The following PLXNA2 variants were observed in gnomAD, a reference collection of about 807,000 sequenced individuals.
The protein encoded by PLXNA2 is plexin-A2.
In PLXNA2, 91 loss-of-function variants were observed where a neutral mutation model predicts 193.5. That is an observed-to-expected ratio of 0.47 (90% CI 0.40 to 0.56). The LOEUF is 0.56. Among genes scored for constraint, PLXNA2 ranks in the 20% least tolerant of loss-of-function variants. The probability of loss-of-function intolerance (pLI) is 0.00; values close to 1 mark genes in which losing one functional copy is unlikely to be tolerated. For missense variants in PLXNA2, 1,995 were observed against 2,503.2 expected, an observed-to-expected ratio of 0.80 and a Z score of 4.33; for synonymous variants, 997 against 1,027.3, an observed-to-expected ratio of 0.97 and a Z score of 0.56.
chr1:208,105,975 C>A (rs1478948792), intron 4 of PLXNA2, among the ~76,000 whole-genome samples: 1 of 152,182 alleles, frequency 6.6e-6, no homozygotes, highest in African/African-American at 2.4e-5. Flanking sequence ...CCCACTTTCA[C>A]GCCAAGTGCC....
At chr1:208,096,918 T>C (rs751553891) in intron 6 of PLXNA2, 35 bp from the exon 7 acceptor site, 1 of 1,595,076 alleles carries the variant, frequency 6.3e-7, no homozygotes, top group South Asian at 1.1e-5. Flanking sequence ...GCCAAAGAAA[T>C]GCCTCAGGAG....
chr1:208,230,336 C>T (rs1671650027), intron 1 of PLXNA2: 2 of 152,252 alleles, frequency 1.3e-5, no homozygotes, highest in African/African-American at 4.8e-5. Context: ...ACCTTCTCCC[C>T]GTGCTGACCT....
intron 4 of PLXNA2, among the ~76,000 whole-genome samples, chr1:208,104,761 A>G (rs1179142690): frequency 6.6e-6 from 1 of 152,148 alleles, no homozygotes; most frequent in East Asian, 1.9e-4. Context: ...TGCATATATG[A>G]GGCTTTTCTG....
chr1:208,211,554 G>A (rs1056112592), intron 2 of PLXNA2, among the ~76,000 whole-genome samples: 17 of 152,134 alleles, frequency 1.1e-4, no homozygotes, highest in African/African-American at 2.9e-4. Context: ...TTAGCCAGGC[G>A]TGGTGGTGTG....
At chr1:208,235,811 A>G (rs1205848469) in intron 1 of PLXNA2, among the ~76,000 whole-genome samples, 1 of 152,106 alleles carries the variant, frequency 6.6e-6, no homozygotes, top group East Asian at 1.9e-4. Context: ...CTTTCTCTCT[A>G]AGTCTGTGGG....
intron 17 of PLXNA2, 125 bp downstream of exon 17, chr1:208,050,884 T>C (rs996838971): frequency 1.4e-6 from 1 of 697,402 alleles, no homozygotes. Context: ...AGGCTCAGAG[T>C]CTTAAGCCAG....
At chr1:208,124,891 G>A (rs895413659) in intron 4 of PLXNA2, among the ~76,000 whole-genome samples, 1 of 152,108 alleles carries the variant, frequency 6.6e-6, no homozygotes, top group Non-Finnish European at 1.5e-5. Flanking sequence ...GGCCAGGCAC[G>A]GCAGTAATGG....
intron 1 of PLXNA2, among the ~76,000 whole-genome samples, chr1:208,230,843 C>T (rs1429949595): frequency 6.6e-6 from 1 of 152,200 alleles, no homozygotes; most frequent in African/African-American, 2.4e-5. Flanking sequence ...TGTCAGACAG[C>T]CTCTCCTAAG....
At chr1:208,200,130 T>C (rs183382316) in intron 3 of PLXNA2, among the ~76,000 whole-genome samples, 14 of 152,268 alleles carry the variant, frequency 9.2e-5, no homozygotes, top group Non-Finnish European at 2.9e-5. Flanking sequence ...ATAGAAACCA[T>C]AACACAGGGT....
chr1:208,087,300 AAC>A (rs546129552), intron 9 of PLXNA2, among the ~76,000 whole-genome samples: 1 of 151,814 alleles, frequency 6.6e-6, no homozygotes, highest in African/African-American at 2.4e-5. Context: ...ATCTATATGT[AAC>A]ACACACACAC....
chr1:208,027,838 A>C (rs1664386087), intron 31 of PLXNA2, among the ~76,000 whole-genome samples, 171 bp downstream of exon 31: 3 of 152,264 alleles, frequency 2.0e-5, no homozygotes, highest in Admixed American at 6.5e-5. Context: ...AAGTGTATAA[A>C]GCCTTCAGTG....
At chr1:208,043,652 G>A (rs1264631933) in intron 20 of PLXNA2, among the ~76,000 whole-genome samples, 1 of 152,154 alleles carries the variant, frequency 6.6e-6, no homozygotes, top group East Asian at 1.9e-4. Context: ...GCTCAGCTGA[G>A]AGCCGAGTTT....
Position 208,031,687 on chromosome 1 carries a change from G to A in PLXNA2, c.5128C>T (p.Pro1710Ser), listed in dbSNP as rs551923961. 2.5e-6 allele frequency: 4 copies of A among 1,613,778 alleles called. No homozygotes were observed. In the South Asian group the frequency reaches 4.4e-5, roughly 18 times the overall value. Residue 1710 changes from proline (P) to serine (S), a missense_variant, in exon 29 of 32, where the codon CCC becomes TCC. This residue lies in a region of PLXNA2 where 1,291 missense variants were observed against 1,673.6 expected (regional missense o/e 0.77). Transcript: ENST00000367033. The part of the protein sequence containing the change: ...FSTVHRGSAL[P>S]LAIKYMFDFL... ...TCAAACATGTACTTGATGGCCAGGG[G>A]GAGAGCGCTGCCCCGGTGCACAGTG...
rs761029466 is a variant in PLXNA2 at position 208,060,798 on chromosome 1, C to A, written c.2626G>T (p.Val876Leu). ...VSGPPEGGTR[V>L]TIHGVNLGLD... The stretch of plus-strand genomic sequence containing the variant: ...CCCAGGTTCACGCCATGGATGGTCA[C>A]TCGCGTCCCTCCTTCCGGCGGTCCA... The change falls in exon 13 of 32, where the codon GTG becomes TTG. Residue 876 changes from valine (V) to leucine (L), a missense_variant. Transcript: ENST00000367033. 1 of 1,614,144 alleles carries A rather than the reference C, an allele frequency of 6.2e-7. No individual in the cohort carries two copies. The highest frequency in any genetic ancestry group is 8.5e-7 in the Non-Finnish European group (1 of 1,180,014).
At chr1:208,154,459 G>C (rs1207575675) in intron 3 of PLXNA2, among the ~76,000 whole-genome samples, 1 of 152,198 alleles carries the variant, frequency 6.6e-6, no homozygotes, top group Non-Finnish European at 1.5e-5. Context: ...TTCATGTGCT[G>C]TTGGGCCTGG....
At chr1:208,034,733 C>T (rs1488040413) in intron 26 of PLXNA2, 141 bp from the exon 27 acceptor site, 3 of 592,636 alleles carry the variant, frequency 5.1e-6, no homozygotes, top group East Asian at 5.8e-5. Context: ...ACAACCATTA[C>T]TGCTGTTTTT....
intron 10 of PLXNA2, among the ~76,000 whole-genome samples, chr1:208,083,577 C>A (rs1206787440): frequency 1.3e-5 from 2 of 152,150 alleles, no homozygotes; most frequent in East Asian, 1.9e-4. Context: ...CTGACAGCTC[C>A]CTGATAAGAG....
chr1:208,128,561 C>T (rs1414365237), intron 4 of PLXNA2, among the ~76,000 whole-genome samples: 1 of 152,190 alleles, frequency 6.6e-6, no homozygotes, highest in African/African-American at 2.4e-5. Flanking sequence ...GATTTGAATA[C>T]AATTCTAATT....
chr1:208,100,931 G>A (rs1301281007), intron 5 of PLXNA2, among the ~76,000 whole-genome samples: 1 of 152,148 alleles, frequency 6.6e-6, no homozygotes, highest in Non-Finnish European at 1.5e-5. Context: ...AATAGCCATC[G>A]GGACACTAGT....
Sources: allele counts gnomAD v4.1 joint callset (sites outside exome capture counted in the v4.1 genomes callset), GRCh38; gene constraint gnomAD v4.1.1; regional missense constraint gnomAD v4.1.1; transcripts MANE v1.5; gene names NCBI Gene and HGNC (gene_info 2026-07-23, HGNC 2026-07-21).